KCTD8: variants seen among roughly 807,000 people sequenced by gnomAD.
KCTD8 encodes the protein potassium channel tetramerization domain containing 8.
A neutral mutation model predicts 31.5 loss-of-function variants in KCTD8; 27 were observed. The observed-to-expected ratio is 0.86, with a 90% CI of 0.63 to 1.18. The LOEUF is 1.18. KCTD8 is among the 50% of genes most tolerant of loss of function. The pLI, the probability that KCTD8 is intolerant of heterozygous loss-of-function variation, is 0.00. For synonymous variants in KCTD8, 290 were observed against 280.0 expected (o/e 1.04, Z -0.36); for missense variants, 658 against 647.7 (o/e 1.02, Z -0.17).
chr4:44,408,518 G>A (rs1020594743), intron 1 of KCTD8, among the ~76,000 whole-genome samples: 6 of 152,078 alleles, frequency 3.9e-5, no homozygotes, highest in African/African-American at 1.4e-4. Context: ...TCAACAAATA[G>A]CCAGAGTTTA....
chr4:44,280,734 T>C (rs1289899999), intron 1 of KCTD8, among the ~76,000 whole-genome samples: 2 of 152,090 alleles, frequency 1.3e-5, no homozygotes, highest in East Asian at 3.9e-4. Context: ...CTCTTTTCAT[T>C]ATGATCCTAT....
intron 1 of KCTD8, among the ~76,000 whole-genome samples, chr4:44,300,823 G>A (rs1052981212): frequency 3.3e-5 from 5 of 151,516 alleles, no homozygotes; most frequent in Non-Finnish European, 5.9e-5. Context: ...CCATTAACTC[G>A]TCATTTAGCA....
chr4:44,189,831 T>C (rs1452186758), intron 1 of KCTD8, among the ~76,000 whole-genome samples: 2 of 152,160 alleles, frequency 1.3e-5, no homozygotes, highest in Non-Finnish European at 2.9e-5. Context: ...AACCAGTTCC[T>C]CCTCTTATGC....
intron 1 of KCTD8, among the ~76,000 whole-genome samples, chr4:44,205,499 A>T (rs1714276927): frequency 6.6e-6 from 1 of 152,238 alleles, no homozygotes; most frequent in South Asian, 2.1e-4. Context: ...GAATATATGC[A>T]ATAAAACTAT....
intron 1 of KCTD8, among the ~76,000 whole-genome samples, chr4:44,257,755 T>C (rs1716030816): frequency 6.6e-6 from 1 of 152,020 alleles, no homozygotes; most frequent in Admixed American, 6.6e-5. Flanking sequence ...AAGGCAGCCA[T>C]AGTTCAACTT....
chr4:44,356,619 G>A (rs1315952560), intron 1 of KCTD8, among the ~76,000 whole-genome samples: 1 of 152,020 alleles, frequency 6.6e-6, no homozygotes, highest in Admixed American at 6.6e-5. Flanking sequence ...TAGCCGAGTA[G>A]CCACCACATC....
At chr4:44,299,367 T>C (rs1168048694) in intron 1 of KCTD8, among the ~76,000 whole-genome samples, 2 of 152,112 alleles carry the variant, frequency 1.3e-5, no homozygotes, top group African/African-American at 4.8e-5. Flanking sequence ...ATAATGAAAA[T>C]CCAAGATATT....
intron 1 of KCTD8, among the ~76,000 whole-genome samples, chr4:44,274,294 A>C (rs1463467105): frequency 6.6e-6 from 1 of 151,898 alleles, no homozygotes; most frequent in East Asian, 1.9e-4. Flanking sequence ...GTTTCCAGCA[A>C]AACTACTCAA....
intron 1 of KCTD8, among the ~76,000 whole-genome samples, chr4:44,300,960 T>C (rs1025427455): frequency 1.4e-5 from 2 of 139,464 alleles, no homozygotes; most frequent in African/African-American, 5.3e-5. Context: ...AGTGAGAACA[T>C]GCGGTGTTTG....
intron 1 of KCTD8, among the ~76,000 whole-genome samples, chr4:44,223,057 A>G (rs745629381): frequency 6.6e-6 from 1 of 152,238 alleles, no homozygotes; most frequent in Non-Finnish European, 1.5e-5. Context: ...GAAGGGCAAT[A>G]TTGGAAGCAG....
intron 1 of KCTD8, among the ~76,000 whole-genome samples, chr4:44,219,749 C>T (rs1714752983): frequency 6.6e-6 from 1 of 152,098 alleles, no homozygotes; most frequent in Non-Finnish European, 1.5e-5. Flanking sequence ...ATACTAATGA[C>T]TTTATAATTA....
chr4:44,310,584 G>GAAATACA (rs1402409545), intron 1 of KCTD8, among the ~76,000 whole-genome samples: 2 of 152,018 alleles, frequency 1.3e-5, no homozygotes, highest in East Asian at 3.9e-4. Context: ...TACTATAAAA[G>GAAATACA]TTTATGCTCT....
intron 1 of KCTD8, among the ~76,000 whole-genome samples, chr4:44,368,899 G>A (rs924323128): frequency 6.6e-6 from 1 of 152,134 alleles, no homozygotes; most frequent in Non-Finnish European, 1.5e-5. Flanking sequence ...TTCGGTGTCT[G>A]CACTGAACTA....
chr4:44,209,115 C>T (rs1263284568), intron 1 of KCTD8, among the ~76,000 whole-genome samples: 3 of 152,034 alleles, frequency 2.0e-5, no homozygotes, highest in African/African-American at 7.2e-5. Context: ...TGGATTTTTA[C>T]CCCCTCACAA....
chr4:44,187,333 G>C (rs1713618282), intron 1 of KCTD8, among the ~76,000 whole-genome samples: 1 of 152,158 alleles, frequency 6.6e-6, no homozygotes, highest in Non-Finnish European at 1.5e-5. Flanking sequence ...CCTTGCAAGA[G>C]CTCTTCATTT....
intron 1 of KCTD8, among the ~76,000 whole-genome samples, chr4:44,424,409 A>T (rs957443002): frequency 3.9e-5 from 6 of 152,100 alleles, no homozygotes; most frequent in Non-Finnish European, 8.8e-5. Flanking sequence ...CAATGTAAAC[A>T]GCCATTTTCT....
chr4:44,235,578 T>TTAGAG (rs1553895184), intron 1 of KCTD8, among the ~76,000 whole-genome samples: 38 of 64,058 alleles, frequency 5.9e-4, no homozygotes, highest in African/African-American at 1.1e-3. Flanking sequence ...TATATATATT[T>TTAGAG]AGAGAGAGAG....
intron 1 of KCTD8, among the ~76,000 whole-genome samples, chr4:44,347,078 T>A (rs1719054866): frequency 6.6e-6 from 1 of 152,118 alleles, no homozygotes; most frequent in Non-Finnish European, 1.5e-5. Context: ...TGGTTGGGGG[T>A]GTAAGCAGAG....
intron 1 of KCTD8, among the ~76,000 whole-genome samples, chr4:44,379,752 A>C (rs1577645479): frequency 6.6e-6 from 1 of 152,112 alleles, no homozygotes; most frequent in Non-Finnish European, 1.5e-5. Context: ...TATTGTTGCC[A>C]AGCAAAATTA....
Sources: allele counts gnomAD v4.1 joint callset (sites outside exome capture counted in the v4.1 genomes callset), GRCh38; gene constraint gnomAD v4.1.1; transcripts MANE v1.5; gene names NCBI Gene and HGNC (gene_info 2026-07-23, HGNC 2026-07-21).